NSDHL: variants seen among roughly 807,000 people sequenced by gnomAD.
NSDHL encodes NAD(P) dependent 3-beta-hydroxysteroid dehydrogenase NSDHL.
In NSDHL, 1 loss-of-function variant was observed where a neutral mutation model predicts 23.0. The observed-to-expected ratio is 0.04, with a 90% CI of 0.02 to 0.21. The LOEUF is 0.21. Among genes scored for constraint, NSDHL ranks in the 10% least tolerant of loss-of-function variants. The probability of loss-of-function intolerance (pLI) is 1.00; values close to 1 mark genes in which losing one functional copy is unlikely to be tolerated. For missense variants in NSDHL, 237 were observed against 300.9 expected (o/e 0.79, Z 1.57); for synonymous variants, 128 against 121.1 (o/e 1.06, Z -0.37).
intron 6 of NSDHL, among the ~76,000 whole-genome samples, chrX:152,866,886 G>T (rs73641510): frequency 8.9e-6 from 1 of 111,940 alleles, no homozygotes; most frequent in African/African-American, 3.3e-5. Flanking sequence ...TCTCAGGTAG[G>T]CTGGGAAGGT....
intron 3 of NSDHL, among the ~76,000 whole-genome samples, chrX:152,854,512 C>T (rs974890983): frequency 4.5e-5 from 5 of 110,170 alleles, no homozygotes; most frequent in Non-Finnish European, 7.6e-5. Context: ...CAGGTTCAAG[C>T]GATGCTCCTG....
chrX:152,868,682 A>G (rs1933650708), intron 7 of NSDHL, 102 bp from the exon 8 acceptor site: 16 of 688,515 alleles, frequency 2.3e-5, no homozygotes, highest in Non-Finnish European at 3.7e-5. Flanking sequence ...AAGCTGCAGC[A>G]ATTAGGCAGT....
Position 152,858,982 on chromosome X carries a change from C to T in NSDHL, c.414+66C>T, listed in dbSNP as rs111237783. The T allele has an allele frequency of 7.6e-5, 75 of 985,442 alleles. No individual in the cohort carries two copies. The East Asian group carries it at 8.9e-4, about 12-fold the overall frequency. The allele number at this position is 985,442 out of a possible 1,213,427, so 81.2% of individuals were successfully genotyped here. A position where few individuals can be genotyped will look rare whatever the true frequency, so the allele number is the denominator to read the frequency against. ...ATGGCCCTTTCTAAGGGTGCAAGGC[C>T]GTAGTTCTTGCAGTCTCCCTGGGCC... On this transcript the variant is annotated intron_variant, in intron 4 of 7. Transcript: ENST00000370274.
intron 4 of NSDHL, among the ~76,000 whole-genome samples, chrX:152,862,110 T>C (rs1482516568): frequency 8.9e-6 from 1 of 112,614 alleles, no homozygotes; most frequent in East Asian, 2.8e-4. Context: ...TATCTTCCTT[T>C]AGAATAGCAT....
At chrX:152,861,071 G>A (rs1409328881) in intron 4 of NSDHL, among the ~76,000 whole-genome samples, 2 of 112,616 alleles carry the variant, frequency 1.8e-5, no homozygotes, top group Non-Finnish European at 3.7e-5. Flanking sequence ...TAGTGGGTAA[G>A]AGTGCAGAAA....
At chrX:152,833,776 C>T (rs1345564424) in intron 1 of NSDHL, among the ~76,000 whole-genome samples, 1 of 112,224 alleles carries the variant, frequency 8.9e-6, no homozygotes, top group African/African-American at 3.2e-5. Flanking sequence ...AGAGTGGAAA[C>T]GCACTTCTGT....
At chrX:152,859,183 A>G (rs2125013022) in intron 4 of NSDHL, among the ~76,000 whole-genome samples, 1 of 112,278 alleles carries the variant, frequency 8.9e-6, no homozygotes, top group South Asian at 3.7e-4. Flanking sequence ...AGAGCTGCAG[A>G]ACTTAGACAT....
At chrX:152,838,718 C>G (rs146888478) in intron 1 of NSDHL, among the ~76,000 whole-genome samples, 1 of 111,579 alleles carries the variant, frequency 9.0e-6, no homozygotes, top group Non-Finnish European at 1.9e-5. Flanking sequence ...TTACTTCCAA[C>G]TATGTGGTCA....
chrX:152,845,424 A>G (rs1310582222), intron 1 of NSDHL, among the ~76,000 whole-genome samples: 2 of 111,698 alleles, frequency 1.8e-5, no homozygotes, highest in Non-Finnish European at 3.8e-5. Flanking sequence ...ATGACTAAGT[A>G]AATTGGCAAC....
At chrX:152,864,142 C>T (rs1933571171) in intron 5 of NSDHL, among the ~76,000 whole-genome samples, 1 of 112,026 alleles carries the variant, frequency 8.9e-6, no homozygotes, top group Non-Finnish European at 1.9e-5. Context: ...AACTCCTGAC[C>T]TCATGATCTG....
chrX:152,864,783 G>T (rs919764533), intron 5 of NSDHL, among the ~76,000 whole-genome samples: 1 of 112,005 alleles, frequency 8.9e-6, no homozygotes, highest in Non-Finnish European at 1.9e-5. Flanking sequence ...CTCCATCGCT[G>T]TGGGGACCAG....
At chrX:152,841,188 C>G (rs1405871971) in intron 1 of NSDHL, among the ~76,000 whole-genome samples, 1 of 112,457 alleles carries the variant, frequency 8.9e-6, no homozygotes, top group Non-Finnish European at 1.9e-5. Flanking sequence ...CGGGAGTGTC[C>G]CGTTTTTCCA....
intron 3 of NSDHL, among the ~76,000 whole-genome samples, chrX:152,850,921 C>T (rs1458475988): frequency 8.9e-6 from 1 of 112,088 alleles, no homozygotes; most frequent in Non-Finnish European, 1.9e-5. Context: ...AATCTTGTAG[C>T]CATCCCCTCT....
At chrX:152,832,514 T>G (rs183778520) in intron 1 of NSDHL, among the ~76,000 whole-genome samples, 13 of 111,812 alleles carry the variant, frequency 1.2e-4, no homozygotes, top group African/African-American at 2.0e-4. Flanking sequence ...ACGGCCCTGG[T>G]CAGGGCATCT....
In NSDHL at chrX:152,831,129, G is replaced by A; in HGVS notation, c.-44+12G>A. On this transcript the variant is annotated intron_variant, in intron 1 of 7. Coordinates refer to ENST00000370274, the MANE Select transcript of NSDHL (RefSeq NM_015922.3). ...GCGCCTACGGACGGGTAAGAGTCGTGGCCTTGCCATTGGAGGTCACCCTGT... is the reference window on the plus strand; with the variant it reads ...GCGCCTACGGACGGGTAAGAGTCGTAGCCTTGCCATTGGAGGTCACCCTGT... The A allele has an allele frequency of 3.3e-6, 1 of 300,966 alleles. No individual in the cohort carries two copies. Among genetic ancestry groups the A allele is most frequent in the Non-Finnish European group, 5.8e-6 (1 of 172,208 alleles). 24.8% of individuals were successfully genotyped at this position (300,966 alleles called of 1,213,427 possible). A position where few individuals can be genotyped will look rare whatever the true frequency, so the allele number is the denominator to read the frequency against.
At chrX:152,867,509 T>C in intron 6 of NSDHL, 62 bp from the exon 7 acceptor site, 3 of 828,892 alleles carry the variant, frequency 3.6e-6, no homozygotes, top group Non-Finnish European at 5.5e-6. Context: ...GACTTGGGAG[T>C]GGCCCTGGCC....
intron 1 of NSDHL, among the ~76,000 whole-genome samples, chrX:152,844,252 G>A (rs782016451): frequency 8.9e-6 from 1 of 112,366 alleles, no homozygotes; most frequent in Non-Finnish European, 1.9e-5. Flanking sequence ...TAACTCCCCC[G>A]AGGGCTACCT....
Position 152,864,999 on chromosome X carries a change from C to T in NSDHL, c.544-820C>T, listed in dbSNP as rs73641508. On this transcript the variant is annotated intron_variant, in intron 5 of 7. Coordinates refer to ENST00000370274, the MANE Select transcript of NSDHL (RefSeq NM_015922.3). The stretch of plus-strand genomic sequence containing the variant: ...CTGAAGCAACTCACATGGGCCATCT[C>T]GTGTAATTCGCATGCAGCCCCGTCA... 7.7e-3 allele frequency among the ~76,000 whole-genome samples: 870 copies of T among 112,520 alleles called. 11 individuals carry two copies. Among genetic ancestry groups the T allele is most frequent in the African/African-American group, 0.026 (807 of 31,027 alleles).
At chrX:152,840,377 A>G (rs907731944) in intron 1 of NSDHL, among the ~76,000 whole-genome samples, 1 of 112,346 alleles carries the variant, frequency 8.9e-6, no homozygotes, top group African/African-American at 3.2e-5. Context: ...TTGGAGGAGA[A>G]GAGGCACGCT....
Sources: gnomAD v4.1 joint callset for allele counts (sites outside exome capture counted in the v4.1 genomes callset) on GRCh38, gnomAD v4.1.1 for gene constraint, MANE v1.5 for transcripts, NCBI Gene and HGNC (gene_info 2026-07-23, HGNC 2026-07-21) for gene names.